Variants in ZFAND6 observed in about 807,000 individuals in gnomAD.
ZFAND6 encodes the protein zinc finger AN1-type containing 6.
Under a neutral mutation model 24.5 loss-of-function variants are expected in ZFAND6, and 12 were observed. The observed-to-expected ratio is 0.49, with a 90% CI of 0.31 to 0.79. The LOEUF (loss-of-function observed/expected upper bound fraction) is 0.79. ZFAND6 is among the 30% of genes least tolerant of loss of function. ZFAND6 has a pLI of 0.04. For missense variants in ZFAND6, 207 were observed against 245.9 expected (o/e 0.84, Z 1.06); for synonymous variants, 92 against 81.5 (o/e 1.13, Z -0.69).
At chr15:80,122,363 G>T (rs1384740236) in intron 4 of ZFAND6, among the ~76,000 whole-genome samples, 3 of 152,028 alleles carry the variant, frequency 2.0e-5, no homozygotes, top group Middle Eastern at 3.2e-3. Context: ...GATAAGATAT[G>T]TTCAGTTTTG....
chr15:80,135,871 T>G (rs1201888789), intron 6 of ZFAND6, among the ~76,000 whole-genome samples: 1 of 151,870 alleles, frequency 6.6e-6, no homozygotes, highest in Non-Finnish European at 1.5e-5. Flanking sequence ...CACACCTGTA[T>G]TCCCAGCACT....
chr15:80,079,471 C>T (rs528091808), intron 1 of ZFAND6, among the ~76,000 whole-genome samples: 52 of 151,994 alleles, frequency 3.4e-4, no homozygotes, highest in African/African-American at 1.2e-3. Context: ...CCGCCCACCT[C>T]GGCCTCCCAA....
chr15:80,092,169 A>G (rs900053128), intron 1 of ZFAND6, among the ~76,000 whole-genome samples: 16 of 151,978 alleles, frequency 1.1e-4, no homozygotes, highest in African/African-American at 3.9e-4. Flanking sequence ...TATAGAAAAA[A>G]TTTGGTTTGT....
intron 1 of ZFAND6, among the ~76,000 whole-genome samples, chr15:80,073,110 C>A (rs574135952): frequency 2.4e-4 from 37 of 151,976 alleles, no homozygotes; most frequent in African/African-American, 8.4e-4. Flanking sequence ...CCCAGCACAG[C>A]ACCCCTTTTA....
At chr15:80,123,622 C>T (rs962984336) in intron 5 of ZFAND6, among the ~76,000 whole-genome samples, 2 of 152,174 alleles carry the variant, frequency 1.3e-5, no homozygotes, top group Non-Finnish European at 2.9e-5. Flanking sequence ...TTAATTTAGG[C>T]CAGGCACTGT....
chr15:80,082,955 C>T (rs946228283), intron 1 of ZFAND6, among the ~76,000 whole-genome samples: 1 of 152,060 alleles, frequency 6.6e-6, no homozygotes, highest in Non-Finnish European at 1.5e-5. Context: ...GACTGAGCAC[C>T]TACTATGTAT....
intron 6 of ZFAND6, among the ~76,000 whole-genome samples, chr15:80,135,990 A>T (rs898177168): frequency 6.6e-6 from 1 of 152,076 alleles, no homozygotes; most frequent in Non-Finnish European, 1.5e-5. Context: ...GCTGATCATG[A>T]TGGCATGTGC....
intron 1 of ZFAND6, among the ~76,000 whole-genome samples, chr15:80,077,045 T>C (rs944447091): frequency 2.6e-5 from 4 of 152,258 alleles, no homozygotes; most frequent in African/African-American, 9.6e-5. Context: ...GCACATAGTT[T>C]TGAGTTTCAT....
intron 2 of ZFAND6, among the ~76,000 whole-genome samples, chr15:80,100,155 C>A (rs939094886): frequency 2.6e-5 from 4 of 152,154 alleles, no homozygotes; most frequent in Admixed American, 6.5e-5. Flanking sequence ...GATTACAAGG[C>A]TCACTTTAAT....
At chr15:80,075,597 CTGT>C (rs1364019955) in intron 1 of ZFAND6, among the ~76,000 whole-genome samples, 1 of 152,054 alleles carries the variant, frequency 6.6e-6, no homozygotes, top group Non-Finnish European at 1.5e-5. Flanking sequence ...TTCAAAGTCT[CTGT>C]TGTTAGATGC....
intron 1 of ZFAND6, among the ~76,000 whole-genome samples, chr15:80,097,299 A>G (rs532339371): frequency 5.3e-5 from 8 of 152,144 alleles, no homozygotes; most frequent in South Asian, 4.1e-4. Flanking sequence ...TGCGTCCGGC[A>G]TGTGTCAGAT....
At position 80,137,780 on chromosome 15, in the gene ZFAND6, C is replaced by T. The variant is rs932423966; in HGVS notation, c.*152C>T. 2 of 747,728 alleles carry T rather than the reference C, an allele frequency of 2.7e-6. No individual in the cohort carries two copies. Among genetic ancestry groups the T allele is most frequent in the African/African-American group, 3.7e-5 (2 of 54,228 alleles). 46.3% of individuals were successfully genotyped at this position (747,728 alleles called of 1,614,324 possible). The stretch of plus-strand genomic sequence containing the variant: ...TTTTGGTTTTGTTTTGAAAATGACT[C>T]TGAACATTTATTTCCATTGCAATTT... On this transcript the variant is annotated 3_prime_UTR_variant, in exon 7 of 7. Coordinates refer to ENST00000261749, the MANE Select transcript of ZFAND6 (RefSeq NM_019006.4).
chr15:80,081,792 G>A (rs2037685295), intron 1 of ZFAND6, among the ~76,000 whole-genome samples: 1 of 152,158 alleles, frequency 6.6e-6, no homozygotes, highest in South Asian at 2.1e-4. Context: ...ATGGATGGAG[G>A]CAGCCTCGGG....
At position 80,131,231 on chromosome 15, in the gene ZFAND6, T is replaced by C. The variant is rs1305631593; in HGVS notation, c.416T>C (p.Leu139Pro). 1.2e-5 allele frequency: 19 copies of C among 1,612,748 alleles called. No homozygotes were observed. Among genetic ancestry groups the C allele is most frequent in the Non-Finnish European group, 1.4e-5 (17 of 1,179,412 alleles). Residue 139 changes from leucine (L) to proline (P), a missense_variant, in exon 6 of 7, where the codon CTT becomes CCT. By Grantham distance (98) the Leu-to-Pro change is moderately conservative. This residue lies in a region of ZFAND6 where 133 missense variants were observed against 122.8 expected (regional missense o/e 1.08). Coordinates refer to ENST00000261749, the MANE Select transcript of ZFAND6 (RefSeq NM_019006.4). ...QQPSEEQSKS[L>P]EKPKQKKNRC... ...CCATCTGAAGAGCAAAGCAAGTCTC[T>C]TGAAAAACCGAAACAAAAAAAGAAT...
At chr15:80,074,226 A>G (rs2037138388) in intron 1 of ZFAND6, among the ~76,000 whole-genome samples, 1 of 151,908 alleles carries the variant, frequency 6.6e-6, no homozygotes, top group Admixed American at 6.6e-5. Flanking sequence ...TGGATATTAA[A>G]ATCAGCTGAG....
chr15:80,113,032 G>A (rs1345312370), intron 2 of ZFAND6, among the ~76,000 whole-genome samples: 1 of 152,186 alleles, frequency 6.6e-6, no homozygotes, highest in Non-Finnish European at 1.5e-5. Context: ...TTACCTTTGT[G>A]TAACACTTTG....
At chr15:80,135,253 A>G (rs1178134503) in intron 6 of ZFAND6, among the ~76,000 whole-genome samples, 1 of 152,218 alleles carries the variant, frequency 6.6e-6, no homozygotes, top group Non-Finnish European at 1.5e-5. Flanking sequence ...TACATTATAT[A>G]TTAATAATAT....
intron 5 of ZFAND6, among the ~76,000 whole-genome samples, chr15:80,124,666 G>A (rs929924635): frequency 6.6e-6 from 1 of 152,048 alleles, no homozygotes; most frequent in Non-Finnish European, 1.5e-5. Context: ...ACTTCAAAAG[G>A]TGGTCCTGAT....
At position 80,131,167 on chromosome 15, in the gene ZFAND6, G is replaced by A. The variant is rs568443178; in HGVS notation, c.365-13G>A. ...AGAATAATTAAATTTTGCCACCTTC[G>A]TATTTTTGTTAGCTTCAGTATCAGA... On this transcript the variant is annotated splice_polypyrimidine_tract_variant and intron_variant, in intron 5 of 6. Transcript: ENST00000261749. 9 of 1,528,612 alleles carry A rather than the reference G, an allele frequency of 5.9e-6. No homozygotes were observed. The highest frequency in any genetic ancestry group is 3.8e-5 in the South Asian group (3 of 78,302). 94.7% of individuals were successfully genotyped at this position (1,528,612 alleles called of 1,614,324 possible). A position where few individuals can be genotyped will look rare whatever the true frequency, so the allele number is the denominator to read the frequency against.
Sources: allele counts gnomAD v4.1 joint callset (sites outside exome capture counted in the v4.1 genomes callset), GRCh38; gene constraint gnomAD v4.1.1; regional missense constraint gnomAD v4.1.1; transcripts MANE v1.5; gene names NCBI Gene and HGNC (gene_info 2026-07-23, HGNC 2026-07-21).